The following RIC3 variants were observed in gnomAD, a reference collection of about 807,000 sequenced individuals.
RIC3 encodes the protein protein RIC-3.
In RIC3, 28 loss-of-function variants were observed where a neutral mutation model predicts 27.3. The ratio of observed to expected loss-of-function variants is 1.02; its 90% CI spans 0.76 to 1.41. The LOEUF (loss-of-function observed/expected upper bound fraction) is 1.41, where lower values mean the gene tolerates loss of function less well. Ranked by LOEUF, RIC3 falls within the 40% of genes most tolerant of loss-of-function variation. The pLI is 0.00. For missense variants in RIC3, 501 were observed against 444.7 expected (o/e 1.13, Z -1.14); for synonymous variants, 184 against 160.4 (o/e 1.15, Z -1.11).
chr11:8,112,239 T>C (rs369088559), intron 5 of RIC3, among the ~76,000 whole-genome samples: 1 of 152,172 alleles, frequency 6.6e-6, no homozygotes, highest in East Asian at 1.9e-4. Flanking sequence ...TGCTTTTTTC[T>C]GGTCTTTTTT....
chr11:8,133,857 G>C (rs915948927), intron 4 of RIC3, among the ~76,000 whole-genome samples: 2 of 152,152 alleles, frequency 1.3e-5, no homozygotes, highest in Non-Finnish European at 2.9e-5. Flanking sequence ...TGAGTTAAGG[G>C]AGTCTGTTAC....
chr11:8,153,525 A>T (rs978885364), intron 1 of RIC3: 113 of 366,090 alleles, frequency 3.1e-4, no homozygotes, highest in Non-Finnish European at 5.7e-4. Context: ...TCTCTATGGC[A>T]CATTACTCTT....
At chr11:8,138,472 C>A (rs1948660575) in intron 2 of RIC3, 125 bp from the exon 3 acceptor site, 7 of 553,064 alleles carry the variant, frequency 1.3e-5, no homozygotes, top group African/African-American at 1.9e-5. Context: ...AATCAAATAG[C>A]AACACTAGAG....
intron 5 of RIC3, among the ~76,000 whole-genome samples, chr11:8,116,875 A>G (rs1564974272): frequency 2.0e-5 from 3 of 152,182 alleles, no homozygotes; most frequent in South Asian, 2.1e-4. Flanking sequence ...TAAAAATAGA[A>G]CTATCATATG....
the RIC3 span, chr11:8,098,642 C>A: frequency 1.3e-6 from 1 of 742,656 alleles, no homozygotes; most frequent in Non-Finnish European, 2.3e-6. Context: ...CTCCCTGGGC[C>A]TGCTCCTGTT....
chr11:8,130,526 T>C (rs1947563058), intron 4 of RIC3, among the ~76,000 whole-genome samples: 1 of 152,072 alleles, frequency 6.6e-6, no homozygotes, highest in Admixed American at 6.5e-5. Flanking sequence ...CTAGCCAGAG[T>C]TGGCTGTCTG....
At chr11:8,097,114 A>G in the RIC3 span, 2 of 1,225,200 alleles carry the variant, frequency 1.6e-6, no homozygotes, top group Non-Finnish European at 2.3e-6. Context: ...CCCCAATCCC[A>G]GGATCCTTCC....
chr11:8,093,436 A>G, the RIC3 span, among the ~76,000 whole-genome samples: 1 of 152,144 alleles, frequency 6.6e-6, no homozygotes, highest in Non-Finnish European at 1.5e-5. Context: ...GAGCAATCAG[A>G]AACCATTCAA....
chr11:8,139,118 T>A (rs918739063), intron 2 of RIC3: 3 of 152,270 alleles, frequency 2.0e-5, no homozygotes, highest in Admixed American at 6.5e-5. Flanking sequence ...AGAACAAGCA[T>A]TTCTAACACA....
At chr11:8,100,477 G>A in the RIC3 span, 19 of 1,592,162 alleles carry the variant, frequency 1.2e-5, no homozygotes, top group Admixed American at 1.5e-4. Flanking sequence ...CGCCTCAGGT[G>A]GCCAGTGTTG....
chr11:8,135,749 G>C (rs553375393), intron 4 of RIC3: 1 of 152,218 alleles, frequency 6.6e-6, no homozygotes, highest in African/African-American at 2.4e-5. Context: ...GTGTGGCCTG[G>C]GGTTGCCAAT....
At chr11:8,146,229 T>C (rs914050091) in intron 1 of RIC3, among the ~76,000 whole-genome samples, 3 of 152,336 alleles carry the variant, frequency 2.0e-5, no homozygotes, top group South Asian at 2.1e-4. Context: ...AACCACACTT[T>C]AGACATACCT....
chr11:8,110,149 G>A lies in RIC3; in HGVS notation c.*549C>T, dbSNP rs568802404. ...CATCAATGTTCCTAGGAAGACCCTC[G>A]CTGCGAGGAAGAGGCTTCAGCTTAG... On this transcript the variant is annotated 3_prime_UTR_variant, in exon 6 of 6. Transcript: ENST00000309737. 9 of 169,042 alleles carry A rather than the reference G, an allele frequency of 5.3e-5. No homozygotes were observed. The highest frequency in any genetic ancestry group is 1.6e-4 in the East Asian group (1 of 6,294). 10.5% of individuals were successfully genotyped at this position (169,042 alleles called of 1,614,324 possible). A position where few individuals can be genotyped will look rare whatever the true frequency, so the allele number is the denominator to read the frequency against.
At chr11:8,149,419 G>A (rs918430508) in intron 1 of RIC3, among the ~76,000 whole-genome samples, 3 of 151,986 alleles carry the variant, frequency 2.0e-5, no homozygotes, top group African/African-American at 7.3e-5. Flanking sequence ...AGTAAAGATG[G>A]GGAGGAGTTA....
chr11:8,097,498 G>A, the RIC3 span: 2 of 1,589,060 alleles, frequency 1.3e-6, no homozygotes, highest in Non-Finnish European at 1.7e-6. Context: ...AAATGTGACT[G>A]GAAGTCTCAT....
At chr11:8,128,115 C>T (rs549113459) in intron 4 of RIC3, 1 of 448,130 alleles carries the variant, frequency 2.2e-6, no homozygotes, top group African/African-American at 2.0e-5. Context: ...GTACAGGAGT[C>T]CTGACTCTCC....
chr11:8,158,619 A>T (rs1950887326), intron 1 of RIC3, among the ~76,000 whole-genome samples: 2 of 151,276 alleles, frequency 1.3e-5, no homozygotes, highest in African/African-American at 4.9e-5. Context: ...TGATCAAAGA[A>T]GAAGCTCTGA....
chr11:8,159,846 TA>T (rs1283496943), intron 1 of RIC3, among the ~76,000 whole-genome samples: 2 of 151,776 alleles, frequency 1.3e-5, no homozygotes, highest in Non-Finnish European at 2.9e-5. Context: ...CAAAAAAAAT[TA>T]GCCAGGCGTG....
the RIC3 span, chr11:8,098,664 T>G: frequency 1.1e-6 from 1 of 888,002 alleles, no homozygotes; most frequent in Non-Finnish European, 1.8e-6. Context: ...CAGCCCAGAA[T>G]GTTTTGCAGG....
Sources: gnomAD v4.1 joint callset for allele counts (sites outside exome capture counted in the v4.1 genomes callset) on GRCh38, gnomAD v4.1.1 for gene constraint, MANE v1.5 for transcripts, NCBI Gene and HGNC (gene_info 2026-07-23, HGNC 2026-07-21) for gene names.